Variants in PDE3B observed in about 807,000 individuals in gnomAD.
PDE3B encodes phosphodiesterase 3B, also known as cGMP-inhibited 3',5'-cyclic phosphodiesterase 3B.
Under a neutral mutation model 116.8 loss-of-function variants are expected in PDE3B, and 66 were observed. That is an observed-to-expected ratio of 0.56 (90% confidence interval 0.46 to 0.69). The LOEUF (loss-of-function observed/expected upper bound fraction) is 0.69, where lower values mean the gene tolerates loss of function less well. PDE3B is among the 30% of genes least tolerant of loss of function. PDE3B has a pLI of 0.00. For synonymous variants in PDE3B, 595 were observed against 533.6 expected (o/e 1.12, Z -1.59); for missense variants, 1,384 against 1,368.1 (o/e 1.01, Z -0.18).
chr11:14,686,993 G>A (rs528105604), intron 1 of PDE3B, among the ~76,000 whole-genome samples: 9 of 152,236 alleles, frequency 5.9e-5, no homozygotes, highest in Admixed American at 1.3e-4. Flanking sequence ...GATTACAGGC[G>A]TGAGCCACCA....
chr11:14,758,138 A>G (rs1055818089), intron 1 of PDE3B, among the ~76,000 whole-genome samples: 2 of 151,558 alleles, frequency 1.3e-5, no homozygotes, highest in African/African-American at 2.4e-5. Flanking sequence ...ATTTCTGAGG[A>G]CTCTGTTCTT....
At chr11:14,706,402 A>C (rs1473833187) in intron 1 of PDE3B, among the ~76,000 whole-genome samples, 1 of 151,934 alleles carries the variant, frequency 6.6e-6, no homozygotes, top group East Asian at 1.9e-4. Context: ...TGAAAATTGC[A>C]GTTTACTGGA....
chr11:14,732,925 AC>A (rs1436870858), intron 1 of PDE3B, among the ~76,000 whole-genome samples: 1 of 152,214 alleles, frequency 6.6e-6, no homozygotes, highest in East Asian at 1.9e-4. Context: ...TTAGATTGAT[AC>A]AATTGCTGTT....
intron 2 of PDE3B, among the ~76,000 whole-genome samples, chr11:14,779,607 C>T (rs1379552380): frequency 1.3e-5 from 2 of 152,124 alleles, no homozygotes; most frequent in Non-Finnish European, 2.9e-5. Context: ...CCTTTACAGA[C>T]AAGCAAATGC....
intron 1 of PDE3B, among the ~76,000 whole-genome samples, chr11:14,654,612 T>C (rs570631050): frequency 6.6e-6 from 1 of 152,308 alleles, no homozygotes; most frequent in Admixed American, 6.5e-5. Flanking sequence ...ACACTGTTAT[T>C]ATAAGACATT....
the PDE3B span, chr11:14,878,312 C>G: frequency 1.2e-6 from 2 of 1,611,820 alleles, no homozygotes; most frequent in Non-Finnish European, 1.7e-6. Context: ...ACAGAAAAAG[C>G]AGATACAATA....
At chr11:14,659,246 C>T (rs1366523304) in intron 1 of PDE3B, among the ~76,000 whole-genome samples, 1 of 152,128 alleles carries the variant, frequency 6.6e-6, no homozygotes, top group African/African-American at 2.4e-5. Context: ...GAGGTGAGGT[C>T]ATAGTGAGGC....
chr11:14,892,193 A>G, the PDE3B span: 1 of 1,610,154 alleles, frequency 6.2e-7, no homozygotes, highest in Non-Finnish European at 8.5e-7. Flanking sequence ...TCAGCTCTCC[A>G]AAGCTTCCAC....
intron 1 of PDE3B, among the ~76,000 whole-genome samples, chr11:14,689,642 A>G (rs1461521399): frequency 6.6e-6 from 1 of 152,178 alleles, no homozygotes; most frequent in Admixed American, 6.5e-5. Context: ...GGTTTTTAGG[A>G]GAAAGACAAG....
intron 1 of PDE3B, among the ~76,000 whole-genome samples, chr11:14,681,861 T>A (rs1158424384): frequency 6.6e-6 from 1 of 152,148 alleles, no homozygotes; most frequent in African/African-American, 2.4e-5. Context: ...AAGGTGGAAG[T>A]TAGGGGTGCT....
intron 7 of PDE3B, among the ~76,000 whole-genome samples, chr11:14,825,684 T>C (rs1046098781): frequency 6.6e-6 from 1 of 152,118 alleles, no homozygotes; most frequent in East Asian, 1.9e-4. Context: ...CACACAATAA[T>C]AGTGAGAGAC....
intron 1 of PDE3B, among the ~76,000 whole-genome samples, chr11:14,669,112 C>A (rs1391968546): frequency 6.6e-6 from 1 of 152,128 alleles, no homozygotes; most frequent in Non-Finnish European, 1.5e-5. Context: ...TAGCCGTTAT[C>A]ACCTTTAGAC....
chr11:14,885,986 A>T, the PDE3B span: 2 of 1,492,468 alleles, frequency 1.3e-6, no homozygotes, highest in Non-Finnish European at 1.9e-6. Flanking sequence ...ATGGAAATCT[A>T]CAAGTGGTAA....
chr11:14,764,944 A>T (rs1281205119), intron 1 of PDE3B, among the ~76,000 whole-genome samples: 1 of 151,362 alleles, frequency 6.6e-6, no homozygotes, highest in Non-Finnish European at 1.5e-5. Context: ...TTCAAGGTTA[A>T]TATCTTTGCA....
intron 1 of PDE3B, among the ~76,000 whole-genome samples, chr11:14,661,473 C>T (rs550557314): frequency 1.4e-4 from 21 of 152,302 alleles, no homozygotes; most frequent in African/African-American, 2.2e-4. Flanking sequence ...GTGGGTGCAG[C>T]GCACCGTGCA....
chr11:14,663,371 C>A (rs1346475856), intron 1 of PDE3B, among the ~76,000 whole-genome samples: 1 of 152,152 alleles, frequency 6.6e-6, no homozygotes, highest in Non-Finnish European at 1.5e-5. Flanking sequence ...ATTGTAAAGA[C>A]CATCAAGGCT....
intron 7 of PDE3B, among the ~76,000 whole-genome samples, chr11:14,824,946 A>G (rs927912224): frequency 1.3e-5 from 2 of 152,122 alleles, no homozygotes; most frequent in African/African-American, 2.4e-5. Flanking sequence ...CAGAAACCCT[A>G]CAAGCCAGAA....
In PDE3B at chr11:14,728,510, G is replaced by A. The variant is rs143947430; in HGVS notation, c.979-43427G>A. Among the ~76,000 whole-genome samples the A allele has an allele frequency of 3.6e-3, 547 of 152,212 alleles. 6 individuals are homozygous for A. Among genetic ancestry groups the A allele is most frequent in the Non-Finnish European group, 4.9e-3 (336 of 67,946 alleles). On this transcript the variant is annotated intron_variant, in intron 1 of 15. Transcript: ENST00000282096. ...TTCTAGGCAACTCAGTAATAGGGCA[G>A]TATATCATTTCATTCTCACAGAAGT...
the PDE3B span, chr11:14,879,370 C>A: frequency 1.2e-6 from 2 of 1,611,094 alleles, no homozygotes; most frequent in Non-Finnish European, 1.7e-6. Context: ...CAGTATAAGG[C>A]ATTTTGCATT....
Sources: allele counts gnomAD v4.1 joint callset (sites outside exome capture counted in the v4.1 genomes callset), GRCh38; gene constraint gnomAD v4.1.1; transcripts MANE v1.5; gene names NCBI Gene and HGNC (gene_info 2026-07-23, HGNC 2026-07-21).